The following TANC1 variants were observed in gnomAD, a reference collection of about 807,000 sequenced individuals.
The protein encoded by TANC1 is tetratricopeptide repeat, ankyrin repeat and coiled-coil containing 1, also known as protein TANC1.
In TANC1, 77 loss-of-function variants were observed where a neutral mutation model predicts 149.7. The observed-to-expected ratio is 0.51, with a 90% confidence interval of 0.43 to 0.62. The LOEUF (loss-of-function observed/expected upper bound fraction) is 0.62, where lower values mean the gene tolerates loss of function less well. Ranked by LOEUF, TANC1 falls within the 20% of genes least tolerant of loss-of-function variation. The probability of loss-of-function intolerance (pLI) is 0.00; values close to 1 mark genes in which losing one functional copy is unlikely to be tolerated. For missense variants in TANC1, 1,985 were observed against 2,321.8 expected (o/e 0.85, Z 2.98); for synonymous variants, 854 against 925.0 (o/e 0.92, Z 1.39).
intron 3 of TANC1, among the ~76,000 whole-genome samples, chr2:159,086,322 G>A (rs976471129): frequency 6.6e-6 from 1 of 152,070 alleles, no homozygotes. Flanking sequence ...CCTAGGGTGA[G>A]GCACTAGATC....
rs139455206 is a variant in TANC1, at chr2:159,056,322, T to A, written c.-15-9574T>A. On this transcript the variant is annotated intron_variant, in intron 2 of 26. Transcript: ENST00000263635. ...TTTTATTTATTTTATTTATTTATTT[T>A]TTTTTTTGAGATGGAGTCTTGCTCT... 4.4e-3 allele frequency: 702 copies of A among 160,708 alleles called. 2 individuals carry two copies. Among genetic ancestry groups the A allele is most frequent in the African/African-American group, 0.014 (568 of 41,604 alleles). 10.0% of individuals were successfully genotyped at this position (160,708 alleles called of 1,614,324 possible).
chr2:159,167,075 A>T (rs1197660921), intron 8 of TANC1, among the ~76,000 whole-genome samples: 2 of 152,200 alleles, frequency 1.3e-5, no homozygotes, highest in Non-Finnish European at 2.9e-5. Context: ...CATATTTTTA[A>T]TCCTTTCAGT....
chr2:159,194,992 G>T (rs1276614405), intron 17 of TANC1, among the ~76,000 whole-genome samples: 1 of 152,128 alleles, frequency 6.6e-6, no homozygotes, highest in Non-Finnish European at 1.5e-5. Context: ...AAGTTATTGA[G>T]CCTATATATG....
chr2:159,113,405 G>A (rs1169893629), intron 4 of TANC1, among the ~76,000 whole-genome samples: 1 of 152,190 alleles, frequency 6.6e-6, no homozygotes, highest in Non-Finnish European at 1.5e-5. Flanking sequence ...TTCCTTAGAA[G>A]AGTACTAAAT....
intron 2 of TANC1, chr2:159,004,042 T>A: frequency 6.2e-7 from 1 of 1,612,334 alleles, no homozygotes; most frequent in Non-Finnish European, 8.5e-7. Flanking sequence ...GATGGGACAG[T>A]TATTCATTTC....
chr2:159,037,946 A>G (rs2040333058), intron 2 of TANC1, among the ~76,000 whole-genome samples: 1 of 152,222 alleles, frequency 6.6e-6, no homozygotes, highest in African/African-American at 2.4e-5. Flanking sequence ...TACCTTGGGC[A>G]GTATGGCCAT....
At chr2:159,162,359 G>A (rs924701632) in intron 7 of TANC1, among the ~76,000 whole-genome samples, 6 of 152,186 alleles carry the variant, frequency 3.9e-5, no homozygotes, top group South Asian at 4.2e-4. Flanking sequence ...AAGAGGCATC[G>A]GTGGACATGG....
At chr2:159,188,101 C>T (rs1448510877) in intron 16 of TANC1, among the ~76,000 whole-genome samples, 2 of 152,166 alleles carry the variant, frequency 1.3e-5, no homozygotes, top group East Asian at 1.9e-4. Context: ...ACACCATCTC[C>T]GAAATTATTT....
chr2:159,033,336 T>A (rs886914515), intron 2 of TANC1, among the ~76,000 whole-genome samples: 3 of 152,186 alleles, frequency 2.0e-5, no homozygotes, highest in Non-Finnish European at 4.4e-5. Context: ...GGGACAGATG[T>A]AGCAGCACAA....
At chr2:159,068,511 T>C (rs1284622899) in intron 3 of TANC1, among the ~76,000 whole-genome samples, 2 of 152,210 alleles carry the variant, frequency 1.3e-5, no homozygotes, top group Non-Finnish European at 2.9e-5. Context: ...ACTTTTATGT[T>C]AAACCTATTT....
intron 5 of TANC1, among the ~76,000 whole-genome samples, chr2:159,139,439 C>T (rs1278676631): frequency 6.6e-6 from 1 of 152,064 alleles, no homozygotes; most frequent in Non-Finnish European, 1.5e-5. Context: ...CTTCCTATTG[C>T]TAAATCAACA....
chr2:159,149,290 C>T lies in TANC1; in HGVS notation c.495+18C>T. 2 of 1,614,074 alleles carry T rather than the reference C, an allele frequency of 1.2e-6. No homozygotes were observed. Among genetic ancestry groups the T allele is most frequent in the East Asian group, 2.2e-5 (1 of 44,876 alleles). On this transcript the variant is annotated intron_variant, in intron 6 of 26. Transcript: ENST00000263635. ...AAACCATGGTAATGCCCGAGGAAGA[C>T]ACTACATTGCATACCTCTTCAGAGG...
At chr2:159,149,401 G>T (rs775579404) in intron 6 of TANC1, 129 bp downstream of exon 6, 1 of 1,379,226 alleles carries the variant, frequency 7.3e-7, no homozygotes, top group South Asian at 1.2e-5. Context: ...GTTGTGTATT[G>T]AAATTTATTT....
At chr2:159,063,838 C>T (rs1559189424) in intron 2 of TANC1, among the ~76,000 whole-genome samples, 1 of 152,040 alleles carries the variant, frequency 6.6e-6, no homozygotes, top group Non-Finnish European at 1.5e-5. Flanking sequence ...TAGTCCTTGC[C>T]CCGTGTGATG....
chr2:159,027,687 A>C (rs982714033), intron 2 of TANC1, among the ~76,000 whole-genome samples: 1 of 152,144 alleles, frequency 6.6e-6, no homozygotes, highest in African/African-American at 2.4e-5. Context: ...AGCCACTTCC[A>C]CATTTTCAGC....
intron 22 of TANC1, among the ~76,000 whole-genome samples, chr2:159,223,067 A>G (rs1242936554): frequency 6.6e-6 from 1 of 151,982 alleles, no homozygotes; most frequent in African/African-American, 2.4e-5. Flanking sequence ...CACCACACCC[A>G]GCTTATTTTT....
chr2:159,086,678 A>G (rs1162354585), intron 3 of TANC1, among the ~76,000 whole-genome samples: 3 of 152,166 alleles, frequency 2.0e-5, no homozygotes, highest in Non-Finnish European at 4.4e-5. Context: ...AATAAAGTAT[A>G]TTTTATTTTA....
rs192868452 is a variant in TANC1, at chr2:159,220,478, A to G, written c.3678+611A>G. 2.0e-5 allele frequency among the ~76,000 whole-genome samples: 3 copies of G among 148,816 alleles called. 1 individual carries two copies. The highest frequency in any genetic ancestry group is 7.5e-5 in the African/African-American group (3 of 40,206). On this transcript the variant is annotated intron_variant, in intron 22 of 26. Transcript: ENST00000263635. Reference sequence around the variant, plus strand: ...ATGCACCACCATGCCTAATTTTTGTATTTTTAGTAGAGACAGGGTTTCACC... The same window carrying G: ...ATGCACCACCATGCCTAATTTTTGTGTTTTTAGTAGAGACAGGGTTTCACC...
At chr2:159,225,327 C>T (rs534522691) in intron 23 of TANC1, 9 of 340,970 alleles carry the variant, frequency 2.6e-5, no homozygotes, top group Admixed American at 8.7e-5. Flanking sequence ...ACAGGGACTG[C>T]GTGCTGAGAA....
Sources: allele counts gnomAD v4.1 joint callset (sites outside exome capture counted in the v4.1 genomes callset), GRCh38; gene constraint gnomAD v4.1.1; transcripts MANE v1.5; gene names NCBI Gene and HGNC (gene_info 2026-07-23, HGNC 2026-07-21).